The following DPYSL2 variants were observed in gnomAD, a reference collection of about 807,000 sequenced individuals.
DPYSL2 encodes dihydropyrimidinase like 2.
Under a neutral mutation model 69.9 loss-of-function variants are expected in DPYSL2, and 13 were observed. The observed-to-expected ratio is 0.19, with a 90% confidence interval of 0.12 to 0.30. DPYSL2 has a LOEUF of 0.30. Among genes scored for constraint, DPYSL2 ranks in the 10% least tolerant of loss-of-function variants. The probability of loss-of-function intolerance (pLI) is 1.00; values close to 1 mark genes in which losing one functional copy is unlikely to be tolerated. For missense variants in DPYSL2, 587 were observed against 918.9 expected (o/e 0.64, Z 4.67); for synonymous variants, 326 against 359.1 (o/e 0.91, Z 1.04).
chr8:26,532,347 A>G (rs1174532747), intron 1 of DPYSL2, among the ~76,000 whole-genome samples: 1 of 152,186 alleles, frequency 6.6e-6, no homozygotes, highest in Non-Finnish European at 1.5e-5. Context: ...CAGGAGAGGA[A>G]TGAACTTTGG....
rs576688717 is a variant in DPYSL2, at chr8:26,592,471, T to G, written c.628+8488T>G. On this transcript the variant is annotated intron_variant, in intron 3 of 13. Coordinates refer to ENST00000521913, the MANE Select transcript of DPYSL2 (RefSeq NM_001197293.3). Reference sequence around the variant, plus strand: ...CCTGTTTGGTACATTAGTTTTTTTTTTTTTGTTTTTTTTTTTTTATTAAGA... The same window carrying G: ...CCTGTTTGGTACATTAGTTTTTTTTGTTTTGTTTTTTTTTTTTTATTAAGA... Among the ~76,000 whole-genome samples the G allele has an allele frequency of 5.1e-3, 454 of 89,398 alleles. 1 individual carries two copies. Among genetic ancestry groups the G allele is most frequent in the Admixed American group, 9.1e-3 (69 of 7,608 alleles). The allele number at this position is 89,398 out of a possible 152,430, so 58.6% of individuals were successfully genotyped here. A position where few individuals can be genotyped will look rare whatever the true frequency, so the allele number is the denominator to read the frequency against.
In DPYSL2 at chr8:26,583,972, C is replaced by A. The variant is rs758882265; in HGVS notation, c.617C>A (p.Thr206Asn). 3.7e-6 allele frequency: 6 copies of A among 1,613,502 alleles called. No individual in the cohort carries two copies. The African/African-American group carries it at 6.7e-5, about 18-fold the overall frequency. ...ACCAAGGCGGCCCTGGCTGGGGGAA[C>A]CACTATGATCAGTAAGAAGCTTAAA... is the stretch of plus-strand genomic sequence containing the variant. Reference protein sequence around the residue: ...QGTKAALAGGTTMIIDHVVPE... With the variant: ...QGTKAALAGGNTMIIDHVVPE... The change falls in exon 3 of 14, where the codon ACC becomes AAC. Residue 206 changes from threonine to asparagine, a missense_variant. Thr to Asn is a moderately conservative substitution (Grantham distance 65). This residue lies in a region of DPYSL2 where 452 missense variants were observed against 754.3 expected (regional missense o/e 0.60). Transcript: ENST00000521913.
Position 26,597,624 on chromosome 8 carries a change from G to A in DPYSL2, c.628+13641G>A, listed in dbSNP as rs148524281. On this transcript the variant is annotated intron_variant, in intron 3 of 13. Transcript: ENST00000521913. The surrounding 1 kb of genome is among the most constrained non-coding windows in gnomAD (Gnocchi z 5.2). ...CAAGTAGCTGGGACTACAGGCGCCC[G>A]CCACCACGCCCAACTAATATTTTGT... 1.7e-3 allele frequency among the ~76,000 whole-genome samples: 255 copies of A among 152,034 alleles called. 1 individual carries two copies. Among genetic ancestry groups the A allele is most frequent in the Non-Finnish European group, 1.9e-3 (132 of 67,974 alleles).
chr8:26,531,383 C>T (rs1277983685), intron 1 of DPYSL2, among the ~76,000 whole-genome samples: 1 of 152,016 alleles, frequency 6.6e-6, no homozygotes, highest in Non-Finnish European at 1.5e-5. Flanking sequence ...ACCTCTGCAA[C>T]CAGCTGGAAG....
At position 26,553,131 on chromosome 8, in the gene DPYSL2, T is replaced by C. The variant is rs144341067; in HGVS notation, c.355-28838T>C. Among the ~76,000 whole-genome samples, 278 of 152,320 alleles carry C rather than the reference T, an allele frequency of 1.8e-3. 1 individual carries two copies. The highest frequency in any genetic ancestry group is 6.4e-3 in the African/African-American group (264 of 41,566). On this transcript the variant is annotated intron_variant, in intron 1 of 13. Transcript: ENST00000521913. ...AAGAAATAGATAATCGGAATAGACC[T>C]ATTGCTATTAAAGAAATACAATAGA... is the stretch of plus-strand genomic sequence containing the variant.
Position 26,650,265 on chromosome 8 carries a change from C to T in DPYSL2, c.1597-1992C>T, listed in dbSNP as rs1803254258. 6.6e-6 allele frequency among the ~76,000 whole-genome samples: 1 copy of T among 152,192 alleles called. No homozygotes were observed. The highest frequency in any genetic ancestry group is 6.5e-5 in the Admixed American group (1 of 15,278). ...CCAAAGTCACATAGCTGGTGAATGG[C>T]ATACCTGGGGTGTGAACCCAGGGCA... On this transcript the variant is annotated intron_variant, in intron 11 of 13. Coordinates refer to ENST00000521913, the MANE Select transcript of DPYSL2 (RefSeq NM_001197293.3). The surrounding 1 kb of genome is among the most constrained non-coding windows in gnomAD (Gnocchi z 5.3).
intron 1 of DPYSL2, among the ~76,000 whole-genome samples, chr8:26,573,492 C>A (rs138847576): frequency 6.6e-6 from 1 of 151,856 alleles, no homozygotes; most frequent in Non-Finnish European, 1.5e-5. Flanking sequence ...CACGGTGAAA[C>A]CCTGTCTCTA....
chr8:26,541,377 C>T (rs531686369), intron 1 of DPYSL2, among the ~76,000 whole-genome samples: 7 of 152,278 alleles, frequency 4.6e-5, no homozygotes, highest in Middle Eastern at 3.4e-3. Flanking sequence ...TACCACTAGA[C>T]CTAACTTACT....
At position 26,582,278 on chromosome 8, in the gene DPYSL2, A is replaced by G. The variant is rs1801508278; in HGVS notation, c.443+221A>G. ...TTAATGTACACCCGTTGCATTAGGT[A>G]TTATGTAATTTACTATTTTTAACTG... On this transcript the variant is annotated intron_variant, in intron 2 of 13. Transcript: ENST00000521913. The surrounding 1 kb of genome is among the most constrained non-coding windows in gnomAD (Gnocchi z 4.1). Among the ~76,000 whole-genome samples the G allele has an allele frequency of 6.6e-6, 1 of 152,228 alleles. No homozygotes were observed. The highest frequency in any genetic ancestry group is 1.5e-5 in the Non-Finnish European group (1 of 68,036).
rs1801572478 is a variant in DPYSL2 at position 26,585,145 on chromosome 8, A to T, written c.628+1162A>T. Among the ~76,000 whole-genome samples the T allele has an allele frequency of 6.6e-6, 1 of 152,202 alleles. No homozygotes were observed. The highest frequency in any genetic ancestry group is 1.5e-5 in the Non-Finnish European group (1 of 68,040). ...CATCCAAGAGTGACAGTCAACGTGG[A>T]GTCTGTCATATATGAAAAGATAGCA... On this transcript the variant is annotated intron_variant, in intron 3 of 13. Coordinates refer to ENST00000521913, the MANE Select transcript of DPYSL2 (RefSeq NM_001197293.3). This position sits in a 1 kb window ranked among gnomAD's most constrained non-coding sequence, Gnocchi z 4.0.
Position 26,593,369 on chromosome 8 carries a change from G to A in DPYSL2, c.628+9386G>A, listed in dbSNP as rs1345829408. Among the ~76,000 whole-genome samples the A allele has an allele frequency of 1.3e-5, 2 of 152,056 alleles. No homozygotes were observed. Among genetic ancestry groups the A allele is most frequent in the African/African-American group, 4.8e-5 (2 of 41,422 alleles). On this transcript the variant is annotated intron_variant, in intron 3 of 13. Coordinates refer to ENST00000521913, the MANE Select transcript of DPYSL2 (RefSeq NM_001197293.3). The surrounding 1 kb of genome is among the most constrained non-coding windows in gnomAD (Gnocchi z 5.7). ...TTTGAAAGCCTCAAGGTGATAGCTG[G>A]GATTAAGAATCATGGATCCCAGTGC...
chr8:26,597,279 G>T lies in DPYSL2; in HGVS notation c.628+13296G>T, dbSNP rs376047426. Among the ~76,000 whole-genome samples, 13 of 152,278 alleles carry T rather than the reference G, an allele frequency of 8.5e-5. No homozygotes were observed. In the East Asian group the frequency reaches 1.4e-3, roughly 16 times the overall value. On this transcript the variant is annotated intron_variant, in intron 3 of 13. Transcript: ENST00000521913. The surrounding 1 kb of genome is among the most constrained non-coding windows in gnomAD (Gnocchi z 5.2). ...ACTTAATCCTTCTTCTGGGAGGCCC[G>T]GGAGCCTTCTTCCATGCGGGGCCAG... is the stretch of plus-strand genomic sequence containing the variant.
chr8:26,566,744 T>A (rs1476028154), intron 1 of DPYSL2, among the ~76,000 whole-genome samples: 2 of 152,144 alleles, frequency 1.3e-5, no homozygotes, highest in South Asian at 4.2e-4. Context: ...TATTTTAGAC[T>A]CAAGTCCCAG....
At position 26,650,324 on chromosome 8, in the gene DPYSL2, T is replaced by A. The variant is rs1247759180; in HGVS notation, c.1597-1933T>A. ...CATGGCCGAGGCTGCGCCCATACTC[T>A]ACCCAGTAGGGCACAAGAGGAGGTT... On this transcript the variant is annotated intron_variant, in intron 11 of 13. Transcript: ENST00000521913. The surrounding 1 kb of genome is among the most constrained non-coding windows in gnomAD (Gnocchi z 5.3). Among the ~76,000 whole-genome samples the A allele has an allele frequency of 6.6e-6, 1 of 152,186 alleles. No homozygotes were observed. The highest frequency in any genetic ancestry group is 1.5e-5 in the Non-Finnish European group (1 of 68,034).
At chr8:26,592,149 G>C (rs1801741483) in intron 3 of DPYSL2, among the ~76,000 whole-genome samples, 1 of 152,082 alleles carries the variant, frequency 6.6e-6, no homozygotes. Flanking sequence ...AAAAATTAAT[G>C]GTGCAGAGAG....
At chr8:26,646,925 G>A (rs1402228411) in intron 10 of DPYSL2, among the ~76,000 whole-genome samples, 2 of 151,888 alleles carry the variant, frequency 1.3e-5, no homozygotes. Context: ...CGAGGCTGCA[G>A]TGAGCTGTGA....
chr8:26,571,079 C>T lies in DPYSL2; in HGVS notation c.355-10890C>T, dbSNP rs753093070. On this transcript the variant is annotated intron_variant, in intron 1 of 13. Coordinates refer to ENST00000521913, the MANE Select transcript of DPYSL2 (RefSeq NM_001197293.3). This position sits in a 1 kb window ranked among gnomAD's most constrained non-coding sequence, Gnocchi z 6.1. ...ATTTACCACTCTTTCATAATGTTCC[C>T]CCTGGACAAAGAGCAGACCAGTGAT... Among the ~76,000 whole-genome samples the T allele has an allele frequency of 3.3e-5, 5 of 152,156 alleles. No homozygotes were observed. Among genetic ancestry groups the T allele is most frequent in the Non-Finnish European group, 7.4e-5 (5 of 68,022 alleles).
rs1370306152 is a variant in DPYSL2, at chr8:26,653,348, G to T, written c.1893G>T (p.Gln631His). The T allele has an allele frequency of 1.2e-6, 2 of 1,614,006 alleles. No homozygotes were observed. Among genetic ancestry groups the T allele is most frequent in the Non-Finnish European group, 1.7e-6 (2 of 1,180,018 alleles). The change falls in exon 13 of 14, where the codon CAG becomes CAT. Residue 631 changes from glutamine (Q) to histidine (H), a missense_variant. Coordinates refer to ENST00000521913, the MANE Select transcript of DPYSL2 (RefSeq NM_001197293.3). This position sits in a 1 kb window ranked among gnomAD's most constrained non-coding sequence, Gnocchi z 5.7. ...ASSAKTSPAK[Q>H]QAPPVRNLHQ... ...CGGCCAAGACGTCTCCTGCCAAGCA[G>T]CAGGCCCCACCTGTCCGGAACCTGC...
intron 1 of DPYSL2, among the ~76,000 whole-genome samples, chr8:26,544,231 C>T (rs964024147): frequency 5.3e-5 from 8 of 152,086 alleles, no homozygotes; most frequent in African/African-American, 2.4e-5. Context: ...AAGTAAAAGA[C>T]AATGCATGGA....
Sources: gnomAD v4.1 joint callset for allele counts (sites outside exome capture counted in the v4.1 genomes callset) on GRCh38, gnomAD v4.1.1 for gene constraint, gnomAD v4.1.1 regional missense constraint, Gnocchi (gnomAD v3.1) non-coding constraint, MANE v1.5 for transcripts, NCBI Gene and HGNC (gene_info 2026-07-23, HGNC 2026-07-21) for gene names.